TASP1: variants seen among roughly 807,000 people sequenced by gnomAD.
TASP1 encodes threonine aspartase 1.
In TASP1, 16 loss-of-function variants were observed where a neutral mutation model predicts 56.6. That is an observed-to-expected ratio of 0.28 (90% CI 0.19 to 0.43). The LOEUF is 0.43. Among genes scored for constraint, TASP1 ranks in the 20% least tolerant of loss-of-function variants. TASP1 has a pLI of 1.00. For synonymous variants in TASP1, 179 were observed against 184.2 expected (o/e 0.97, Z 0.23); for missense variants, 393 against 511.6 (o/e 0.77, Z 2.24).
chr20:13,448,352 G>A (rs976727962), intron 11 of TASP1, among the ~76,000 whole-genome samples: 3 of 151,942 alleles, frequency 2.0e-5, no homozygotes, highest in Non-Finnish European at 4.4e-5. Context: ...TATAAATTTC[G>A]AGTGGCTTTA....
chr20:13,325,614 G>T, the TASP1 span, among the ~76,000 whole-genome samples: 1 of 152,164 alleles, frequency 6.6e-6, no homozygotes, highest in Non-Finnish European at 1.5e-5. Context: ...GTTCCCTTCG[G>T]AAGACGAAAT....
the TASP1 span, among the ~76,000 whole-genome samples, chr20:13,382,376 G>C: frequency 6.6e-6 from 1 of 152,320 alleles, no homozygotes; most frequent in African/African-American, 2.4e-5. Context: ...GCCAGGTGCG[G>C]TGGCTCACAC....
the TASP1 span, among the ~76,000 whole-genome samples, chr20:13,297,916 T>C: frequency 6.6e-6 from 1 of 152,104 alleles, no homozygotes; most frequent in African/African-American, 2.4e-5. Flanking sequence ...CCCGGGCTCC[T>C]TCCTCTTTGA....
At chr20:13,569,642 C>A in intron 6 of TASP1, 56 bp from the exon 7 acceptor site, 2 of 1,420,204 alleles carry the variant, frequency 1.4e-6, no homozygotes, top group Admixed American at 1.7e-5. Context: ...CCTACATATT[C>A]AATAAATATA....
intron 10 of TASP1, among the ~76,000 whole-genome samples, chr20:13,486,573 A>G (rs566304285): frequency 6.6e-6 from 1 of 152,306 alleles, no homozygotes; most frequent in South Asian, 2.1e-4. Flanking sequence ...TACCAGAGTA[A>G]CCCAACAATT....
At chr20:13,279,688 C>T in the TASP1 span, 1 of 1,613,990 alleles carries the variant, frequency 6.2e-7, no homozygotes, top group Admixed American at 1.7e-5. Flanking sequence ...AGATCAGCAT[C>T]CGGAGAATAA....
chr20:13,507,369 C>T (rs913392169), intron 10 of TASP1, among the ~76,000 whole-genome samples: 2 of 151,738 alleles, frequency 1.3e-5, no homozygotes, highest in African/African-American at 2.4e-5. Context: ...CTCATCTTTA[C>T]GAAAAATAAA....
chr20:13,340,823 C>T, the TASP1 span, among the ~76,000 whole-genome samples: 6 of 152,180 alleles, frequency 3.9e-5, no homozygotes, highest in Non-Finnish European at 8.8e-5. Context: ...TGATTTTACT[C>T]TTATAATGAT....
At chr20:13,298,857 CA>C in the TASP1 span, 1 of 1,401,414 alleles carries the variant, frequency 7.1e-7, no homozygotes. Flanking sequence ...CCCTCAGGAG[CA>C]GCCTGGTGTC....
intron 8 of TASP1, among the ~76,000 whole-genome samples, chr20:13,535,923 G>C: frequency 6.6e-6 from 1 of 152,178 alleles, no homozygotes; most frequent in African/African-American, 2.4e-5. Flanking sequence ...TTCTCTGGTA[G>C]GTAAGATTAA....
At chr20:13,238,100 G>C in the TASP1 span, 1 of 149,216 alleles carries the variant, frequency 6.7e-6, no homozygotes, top group African/African-American at 2.5e-5. Flanking sequence ...ACAATAAAGA[G>C]GAGCAATAAC....
At chr20:13,440,680 TAAAAAA>T (rs34830955) in intron 11 of TASP1, among the ~76,000 whole-genome samples, 2 of 142,810 alleles carry the variant, frequency 1.4e-5, no homozygotes, top group Admixed American at 1.4e-4. Flanking sequence ...ACTGATAAGC[TAAAAAA>T]AAAAAAAGAG....
At chr20:13,535,566 T>C (rs995522130) in intron 8 of TASP1, among the ~76,000 whole-genome samples, 3 of 152,172 alleles carry the variant, frequency 2.0e-5, no homozygotes, top group African/African-American at 7.2e-5. Context: ...ATCCACATGG[T>C]CATATCTCAG....
chr20:13,419,220 C>T (rs2042357809), intron 12 of TASP1, among the ~76,000 whole-genome samples: 1 of 152,086 alleles, frequency 6.6e-6, no homozygotes. Context: ...CTCCAATTCA[C>T]TCTCAAATAG....
At chr20:13,237,867 T>C in the TASP1 span, 14 of 152,162 alleles carry the variant, frequency 9.2e-5, no homozygotes, top group Non-Finnish European at 1.9e-4. Context: ...CAAATTAGAA[T>C]GAATGCAGGC....
At chr20:13,255,158 A>G in the TASP1 span, among the ~76,000 whole-genome samples, 2 of 152,226 alleles carry the variant, frequency 1.3e-5, no homozygotes, top group Non-Finnish European at 2.9e-5. Context: ...CTGGTTATAT[A>G]AGATGATCAG....
chr20:13,225,246 C>T, the TASP1 span, among the ~76,000 whole-genome samples: 2 of 152,044 alleles, frequency 1.3e-5, no homozygotes, highest in Admixed American at 1.3e-4. Context: ...AGGTAATTTG[C>T]CCAAGGTTGC....
chr20:13,357,198 C>T, the TASP1 span, among the ~76,000 whole-genome samples: 1 of 151,684 alleles, frequency 6.6e-6, no homozygotes, highest in African/African-American at 2.4e-5. Context: ...ATTTAATAGG[C>T]TTACAAAGAT....
At chr20:13,284,958 G>A in the TASP1 span, among the ~76,000 whole-genome samples, 1 of 152,206 alleles carries the variant, frequency 6.6e-6, no homozygotes, top group African/African-American at 2.4e-5. Context: ...AGGATTTTAT[G>A]GGGTATTTGT....
Sources: allele counts gnomAD v4.1 joint callset (sites outside exome capture counted in the v4.1 genomes callset), GRCh38; gene constraint gnomAD v4.1.1; transcripts MANE v1.5; gene names NCBI Gene and HGNC (gene_info 2026-07-23, HGNC 2026-07-21).